The following ALMS1 variants were observed in gnomAD, a reference collection of about 807,000 sequenced individuals.
ALMS1 encodes centrosome-associated protein ALMS1.
A neutral mutation model predicts 352.2 loss-of-function variants in ALMS1; 271 were observed. That is an observed-to-expected ratio of 0.77 (90% CI 0.70 to 0.85). The LOEUF (loss-of-function observed/expected upper bound fraction) is 0.85. Ranked by LOEUF, ALMS1 falls within the 40% of genes least tolerant of loss-of-function variation. The pLI, the probability that ALMS1 is intolerant of heterozygous loss-of-function variation, is 0.00. For synonymous variants in ALMS1, 1,865 were observed against 1,761.2 expected, an observed-to-expected ratio of 1.06 and a Z score of -1.48; for missense variants, 5,445 against 4,870.7, an observed-to-expected ratio of 1.12 and a Z score of -3.51.
intron 12 of ALMS1, among the ~76,000 whole-genome samples, chr2:73,548,206 T>G (rs192912744): frequency 2.0e-3 from 309 of 152,280 alleles, no homozygotes; most frequent in Non-Finnish European, 3.7e-3. Flanking sequence ...TAAGGTGGCA[T>G]TATTCACATT....
At position 73,424,586 on chromosome 2, in the gene ALMS1, G is replaced by A. The variant is rs1290857231; in HGVS notation, c.921G>A (p.Gly307=). 5.0e-6 allele frequency: 8 copies of A among 1,613,822 alleles called. No homozygotes were observed. In the African/African-American group the frequency reaches 5.3e-5, roughly 11 times the overall value. ...QHPLIGSTAV[G]SQCPFLPSEQ... is the part of the protein sequence containing the mutation. ...CGCTTATAGGCAGCACAGCTGTTGG[G>A]TCTCAGTGCCCTTTTTTACCTTCTG... Residue 307 remains glycine, a synonymous_variant, in exon 5 of 23, where the codon GGG becomes GGA. Transcript: ENST00000613296.
At chr2:73,487,107 C>A (rs1193362232) in intron 9 of ALMS1, among the ~76,000 whole-genome samples, 1 of 152,178 alleles carries the variant, frequency 6.6e-6, no homozygotes, top group Non-Finnish European at 1.5e-5. Flanking sequence ...TGTCAGTTTG[C>A]AAGCTGGAAA....
chr2:73,526,939 T>C lies in ALMS1; in HGVS notation c.9781+6923T>C, dbSNP rs964403427. 4.6e-5 allele frequency among the ~76,000 whole-genome samples: 7 copies of C among 152,282 alleles called. No homozygotes were observed. The South Asian group carries it at 1.4e-3, about 32-fold the overall frequency. On this transcript the variant is annotated intron_variant, in intron 11 of 22. Coordinates refer to ENST00000613296, the MANE Select transcript of ALMS1 (RefSeq NM_001378454.1). The stretch of plus-strand genomic sequence containing the variant: ...ATATGGCTTTTATTATGTTGAGGTA[T>C]GTGTTCTCTATACCTAGTTTTTTCA...
intron 1 of ALMS1, among the ~76,000 whole-genome samples, chr2:73,387,794 A>G (rs529975368): frequency 1.3e-5 from 2 of 152,328 alleles, no homozygotes; most frequent in South Asian, 2.1e-4. Context: ...CCATAGGTCA[A>G]GGGCATAAAT....
At chr2:73,484,069 T>G (rs2103873555) in intron 9 of ALMS1, among the ~76,000 whole-genome samples, 1 of 151,956 alleles carries the variant, frequency 6.6e-6, no homozygotes, top group East Asian at 1.9e-4. Flanking sequence ...TTTAGTCCAT[T>G]TATATTTAAA....
intron 11 of ALMS1, among the ~76,000 whole-genome samples, 194 bp from the exon 12 acceptor site, chr2:73,534,630 A>G (rs931037554): frequency 1.8e-4 from 28 of 152,178 alleles, no homozygotes; most frequent in African/African-American, 6.3e-4. Context: ...CTCATTTAGT[A>G]TGTTAATTAT....
intron 7 of ALMS1, among the ~76,000 whole-genome samples, chr2:73,441,098 C>T (rs1671710116): frequency 6.6e-6 from 1 of 152,186 alleles, no homozygotes; most frequent in South Asian, 2.1e-4. Flanking sequence ...CCTGGGCCTG[C>T]CCCTGGACCA....
chr2:73,502,948 A>G (rs1015241825), intron 10 of ALMS1, among the ~76,000 whole-genome samples: 1 of 152,264 alleles, frequency 6.6e-6, no homozygotes, highest in African/African-American at 2.4e-5. Context: ...CTGCTGCACA[A>G]TCACTTTCGT....
rs529194094 is a variant in ALMS1 at position 73,425,074 on chromosome 2, G to A, written c.1237+172G>A. Reference sequence around the variant, plus strand: ...AGTAAGGACTGTTTTTCCTTTCCATGTGAAGTTGCTGCTCATCATCATCAT... The same window carrying A: ...AGTAAGGACTGTTTTTCCTTTCCATATGAAGTTGCTGCTCATCATCATCAT... On this transcript the variant is annotated intron_variant, in intron 5 of 22. Coordinates refer to ENST00000613296, the MANE Select transcript of ALMS1 (RefSeq NM_001378454.1). Among the ~76,000 whole-genome samples, 3 of 152,082 alleles carry A rather than the reference G, an allele frequency of 2.0e-5. No homozygotes were observed. The South Asian group carries it at 6.2e-4, about 32-fold the overall frequency.
intron 1 of ALMS1, among the ~76,000 whole-genome samples, chr2:73,394,268 G>A (rs920258273): frequency 9.2e-5 from 14 of 152,312 alleles, no homozygotes; most frequent in African/African-American, 2.9e-4. Flanking sequence ...GTCAGTTTCT[G>A]CAAAGAAGCC....
At position 73,580,791 on chromosome 2, in the gene ALMS1, C is replaced by T. The variant is rs139991624; in HGVS notation, c.11547+7367C>T. ...TGACTTTTCTAAATTATGTTTGTAA[C>T]GACTGTACTCTTTGTTGTTGTGTGA... On this transcript the variant is annotated intron_variant, in intron 16 of 22. Coordinates refer to ENST00000613296, the MANE Select transcript of ALMS1 (RefSeq NM_001378454.1). Among the ~76,000 whole-genome samples, 390 of 152,284 alleles carry T rather than the reference C, an allele frequency of 2.6e-3. 1 individual carries two copies. The highest frequency in any genetic ancestry group is 7.7e-3 in the African/African-American group (319 of 41,552).
chr2:73,557,703 A>G (rs181665347), intron 14 of ALMS1, among the ~76,000 whole-genome samples: 59 of 152,338 alleles, frequency 3.9e-4, no homozygotes, highest in African/African-American at 1.3e-3. Flanking sequence ...ATTTTTGTAC[A>G]TAATCCTTTA....
chr2:73,592,113 G>T (rs1573046287), intron 16 of ALMS1, among the ~76,000 whole-genome samples: 1 of 152,054 alleles, frequency 6.6e-6, no homozygotes, highest in Non-Finnish European at 1.5e-5. Context: ...AAAATTATTT[G>T]TTCTCTGCAA....
intron 9 of ALMS1, 21 bp downstream of exon 9, chr2:73,455,316 T>C: frequency 6.2e-7 from 1 of 1,613,384 alleles, no homozygotes; most frequent in Non-Finnish European, 8.5e-7. Context: ...AATCTGGAAA[T>C]GAAGAAAGTA....
intron 9 of ALMS1, among the ~76,000 whole-genome samples, chr2:73,460,819 G>C (rs1055296929): frequency 3.3e-5 from 5 of 152,240 alleles, no homozygotes; most frequent in Non-Finnish European, 1.5e-5. Flanking sequence ...AGGGTCCTAC[G>C]CCCACAGAGT....
chr2:73,491,960 G>A (rs959573167), intron 10 of ALMS1, among the ~76,000 whole-genome samples: 3 of 151,998 alleles, frequency 2.0e-5, no homozygotes, highest in Non-Finnish European at 4.4e-5. Context: ...AAAGAAAGTG[G>A]CTTTACAGTG....
intron 7 of ALMS1, among the ~76,000 whole-genome samples, chr2:73,447,277 T>G (rs1671826966): frequency 6.6e-6 from 1 of 152,136 alleles, no homozygotes; most frequent in Non-Finnish European, 1.5e-5. Flanking sequence ...CAACCTAGAT[T>G]TTTACATTCC....
chr2:73,452,207 A>G lies in ALMS1; in HGVS notation c.5680A>G (p.Ser1894Gly), dbSNP rs1671959099. ...QKTGIQIASS[S>G]SYSNREKASI... is the part of the protein sequence containing the mutation. ...GACTGGGATACAAATAGCATCCTCT[A>G]GTTCCTACTCAAATAGAGAGAAGGC... is the stretch of plus-strand genomic sequence containing the variant. Residue 1894 changes from serine (S) to glycine (G), a missense_variant, in exon 8 of 23, where the codon AGT (serine) becomes GGT (glycine). Ser to Gly is a moderately conservative substitution (Grantham distance 56). Coordinates refer to ENST00000613296, the MANE Select transcript of ALMS1 (RefSeq NM_001378454.1). The G allele has an allele frequency of 2.5e-6, 4 of 1,614,124 alleles. No homozygotes were observed. In the African/African-American group the frequency reaches 5.3e-5, roughly 22 times the overall value.
At chr2:73,428,161 C>G (rs931413148) in intron 6 of ALMS1, among the ~76,000 whole-genome samples, 1 of 152,070 alleles carries the variant, frequency 6.6e-6, no homozygotes, top group Admixed American at 6.5e-5. Context: ...TGCTCAAGTA[C>G]TGTGCTAAGA....
Sources: allele counts gnomAD v4.1 joint callset (sites outside exome capture counted in the v4.1 genomes callset), GRCh38; gene constraint gnomAD v4.1.1; transcripts MANE v1.5; gene names NCBI Gene and HGNC (gene_info 2026-07-23, HGNC 2026-07-21).